DIP2C: variants seen among roughly 807,000 people sequenced by gnomAD.
DIP2C encodes disco-interacting protein 2 homolog C.
DIP2C carries 33 observed loss-of-function variants against 192.4 expected under a neutral mutation model. That is an observed-to-expected ratio of 0.17 (90% CI 0.13 to 0.23). DIP2C has a LOEUF of 0.23. Ranked by LOEUF, DIP2C falls within the 10% of genes least tolerant of loss-of-function variation. The pLI, the probability that DIP2C is intolerant of heterozygous loss-of-function variation, is 1.00. For missense variants in DIP2C, 1,537 were observed against 2,110.1 expected (o/e 0.73, Z 5.32); for synonymous variants, 979 against 864.1 (o/e 1.13, Z -2.33).
chr10:396,030 C>T (rs1446660660), intron 10 of DIP2C, among the ~76,000 whole-genome samples: 1 of 152,154 alleles, frequency 6.6e-6, no homozygotes, highest in African/African-American at 2.4e-5. Flanking sequence ...GTACAAGGGG[C>T]TCTCAGCTGA....
At chr10:391,270 A>T (rs561302786) in intron 10 of DIP2C, among the ~76,000 whole-genome samples, 1 of 151,780 alleles carries the variant, frequency 6.6e-6, no homozygotes, top group African/African-American at 2.4e-5. Flanking sequence ...TGCTAACACC[A>T]AGTGCCTGAT....
chr10:518,470 G>T (rs780235422), intron 1 of DIP2C, among the ~76,000 whole-genome samples: 1 of 152,198 alleles, frequency 6.6e-6, no homozygotes, highest in Non-Finnish European at 1.5e-5. Flanking sequence ...CACCCCCAAC[G>T]TGACAGTGTC....
At chr10:306,784 G>A (rs1956345148) in intron 32 of DIP2C, among the ~76,000 whole-genome samples, 1 of 152,190 alleles carries the variant, frequency 6.6e-6, no homozygotes, top group Admixed American at 6.5e-5. Flanking sequence ...AGCTCATAGT[G>A]ACAGCATCTG....
intron 1 of DIP2C, among the ~76,000 whole-genome samples, chr10:540,846 A>G (rs1042530601): frequency 2.0e-5 from 3 of 152,244 alleles, no homozygotes; most frequent in African/African-American, 7.2e-5. Flanking sequence ...TCTGAAACAC[A>G]GGTAAAGTCT....
chr10:288,819 G>A (rs1955305646), intron 32 of DIP2C, among the ~76,000 whole-genome samples: 1 of 152,216 alleles, frequency 6.6e-6, no homozygotes, highest in African/African-American at 2.4e-5. Context: ...TGGAAGGCAG[G>A]GCCAGGTGTG....
chr10:436,129 T>G (rs975850113), intron 4 of DIP2C, among the ~76,000 whole-genome samples: 1 of 152,248 alleles, frequency 6.6e-6, no homozygotes, highest in East Asian at 1.9e-4. Flanking sequence ...GCGCACTTCA[T>G]GTACTCAGCC....
chr10:658,306 C>A (rs1238409472), intron 1 of DIP2C, among the ~76,000 whole-genome samples: 10 of 141,338 alleles, frequency 7.1e-5, no homozygotes, highest in African/African-American at 2.4e-4. Context: ...CCTGGACCTG[C>A]CGCTGGACCT....
intron 32 of DIP2C, among the ~76,000 whole-genome samples, chr10:293,725 G>A (rs971307590): frequency 6.6e-6 from 1 of 152,112 alleles, no homozygotes; most frequent in African/African-American, 2.4e-5. Flanking sequence ...AAAATCACAA[G>A]GAACAACAGT....
intron 1 of DIP2C, among the ~76,000 whole-genome samples, chr10:503,328 G>A (rs933683610): frequency 1.3e-5 from 2 of 152,210 alleles, no homozygotes; most frequent in Non-Finnish European, 2.9e-5. Context: ...GACAATAAAC[G>A]TTCCAATTTA....
intron 2 of DIP2C, among the ~76,000 whole-genome samples, chr10:481,535 A>C (rs1843607571): frequency 6.6e-6 from 1 of 152,188 alleles, no homozygotes; most frequent in African/African-American, 2.4e-5. Context: ...AAAGATAATA[A>C]AATTCCACTG....
At chr10:539,302 A>C (rs1847852946) in intron 1 of DIP2C, among the ~76,000 whole-genome samples, 1 of 152,210 alleles carries the variant, frequency 6.6e-6, no homozygotes, top group Non-Finnish European at 1.5e-5. Flanking sequence ...CCAACTATAG[A>C]TCAAGAATAT....
intron 23 of DIP2C, among the ~76,000 whole-genome samples, chr10:357,471 C>T (rs928980179): frequency 1.3e-5 from 2 of 152,200 alleles, no homozygotes; most frequent in African/African-American, 2.4e-5. Context: ...ACATTTGCCT[C>T]GGTCCTGCGA....
intron 6 of DIP2C, among the ~76,000 whole-genome samples, chr10:416,490 G>T (rs978855083): frequency 3.9e-5 from 6 of 152,034 alleles, no homozygotes; most frequent in Non-Finnish European, 5.9e-5. Flanking sequence ...CCAAACCCAC[G>T]CAGCTCAGCC....
chr10:512,140 A>G (rs1410397245), intron 1 of DIP2C, among the ~76,000 whole-genome samples: 1 of 152,208 alleles, frequency 6.6e-6, no homozygotes, highest in Non-Finnish European at 1.5e-5. Context: ...CGTGTTGACA[A>G]TTTTTAACTG....
intron 3 of DIP2C, among the ~76,000 whole-genome samples, chr10:455,324 G>GT (rs1564733616): frequency 5.3e-4 from 75 of 141,822 alleles, no homozygotes; most frequent in Non-Finnish European, 7.4e-4. Flanking sequence ...TGCCTGAGGG[G>GT]AGACCGTGAG....
At chr10:649,992 C>G (rs558125969) in intron 1 of DIP2C, 2 of 636,842 alleles carry the variant, frequency 3.1e-6, no homozygotes, top group East Asian at 5.4e-5. Context: ...GTTTGCCGTC[C>G]AAAGTTCACA....
intron 1 of DIP2C, among the ~76,000 whole-genome samples, chr10:488,172 G>A (rs1564778848): frequency 6.6e-6 from 1 of 152,180 alleles, no homozygotes; most frequent in Non-Finnish European, 1.5e-5. Flanking sequence ...CCTAGGAGGT[G>A]GGAAAGGGTG....
At chr10:391,152 G>A (rs1052773025) in intron 10 of DIP2C, among the ~76,000 whole-genome samples, 13 of 152,192 alleles carry the variant, frequency 8.5e-5, no homozygotes, top group Non-Finnish European at 1.2e-4. Context: ...TCAGCGGGTC[G>A]CGTTAAGAGC....
Position 329,564 on chromosome 10 carries a change from A to C in DIP2C, c.3622T>G (p.Ser1208Ala). ...AAGGCGGGGTTGGTTTCCAGCTCAG[A>C]GGGCGGGATCAGGATGGACTGGTGC... ...SGHQSILIPP[S>A]ELETNPALWL... Residue 1208 changes from serine (S) to alanine (A), a missense_variant, in exon 30 of 37, where the codon TCT (serine) becomes GCT (alanine). Around this residue, in one of 4 missense-constraint regions of DIP2C, gnomAD observed 341 missense variants for 551.7 expected, o/e 0.62. Transcript: ENST00000280886. 6.2e-7 allele frequency: 1 copy of C among 1,614,188 alleles called. No homozygotes were observed.
Sources: gnomAD v4.1 joint callset for allele counts (sites outside exome capture counted in the v4.1 genomes callset) on GRCh38, gnomAD v4.1.1 for gene constraint, gnomAD v4.1.1 regional missense constraint, MANE v1.5 for transcripts, NCBI Gene and HGNC (gene_info 2026-07-23, HGNC 2026-07-21) for gene names.